The following STPG2 variants were observed in gnomAD, a reference collection of about 807,000 sequenced individuals.
STPG2 encodes the protein sperm tail PG-rich repeat containing 2, also known as sperm-tail PG-rich repeat-containing protein 2.
STPG2 carries 56 observed loss-of-function variants against 54.2 expected under a neutral mutation model. The observed-to-expected ratio is 1.03, with a 90% CI of 0.83 to 1.29. The LOEUF (loss-of-function observed/expected upper bound fraction) is 1.29. Ranked by LOEUF, STPG2 falls within the 50% of genes most tolerant of loss-of-function variation. The pLI, the probability that STPG2 is intolerant of heterozygous loss-of-function variation, is 0.00. For synonymous variants in STPG2, 200 were observed against 181.8 expected (o/e 1.10, Z -0.81); for missense variants, 596 against 544.9 (o/e 1.09, Z -0.93).
At chr4:98,005,526 G>A (rs920909776) in intron 5 of STPG2, among the ~76,000 whole-genome samples, 2 of 152,140 alleles carry the variant, frequency 1.3e-5, no homozygotes, top group African/African-American at 4.8e-5. Context: ...CTGTGAGTTT[G>A]TCATATATAG....
chr4:97,977,113 G>T (rs1446108909), intron 6 of STPG2, among the ~76,000 whole-genome samples: 1 of 152,084 alleles, frequency 6.6e-6, no homozygotes, highest in African/African-American at 2.4e-5. Flanking sequence ...TACTGTAAAA[G>T]ACTAAAAAGT....
At chr4:97,756,184 ATCT>A (rs1258451856) in intron 9 of STPG2, among the ~76,000 whole-genome samples, 4 of 152,190 alleles carry the variant, frequency 2.6e-5, no homozygotes, top group African/African-American at 9.7e-5. Context: ...ACTCAATGAC[ATCT>A]TCTACCTTGG....
chr4:97,660,248 G>T (rs927119684), intron 10 of STPG2, among the ~76,000 whole-genome samples: 1 of 152,158 alleles, frequency 6.6e-6, no homozygotes, highest in Non-Finnish European at 1.5e-5. Context: ...CAATCCGCCC[G>T]CCTCGGCTTC....
At chr4:97,465,249 T>A (rs534841635) in intron 4 of STPG2, among the ~76,000 whole-genome samples, 1 of 152,316 alleles carries the variant, frequency 6.6e-6, no homozygotes, top group East Asian at 1.9e-4. Flanking sequence ...ATTTGCTGTA[T>A]CACTCTGTAT....
intron 9 of STPG2, among the ~76,000 whole-genome samples, chr4:97,736,620 C>G: frequency 6.6e-6 from 1 of 152,160 alleles, no homozygotes. Context: ...GCACAGCAGC[C>G]TGAGATCAAA....
intron 4 of STPG2, among the ~76,000 whole-genome samples, chr4:97,538,711 AAG>A (rs1209638830): frequency 1.3e-5 from 2 of 152,142 alleles, no homozygotes; most frequent in Non-Finnish European, 2.9e-5. Context: ...GATACTCCTC[AAG>A]AAGAGCAACT....
chr4:97,966,819 C>T (rs1484556316), intron 7 of STPG2, among the ~76,000 whole-genome samples: 3 of 151,972 alleles, frequency 2.0e-5, no homozygotes, highest in Admixed American at 2.0e-4. Context: ...AACGCAAAGG[C>T]TGAGAGATTA....
intron 8 of STPG2, among the ~76,000 whole-genome samples, chr4:97,888,252 C>T (rs930907787): frequency 2.0e-5 from 3 of 152,168 alleles, no homozygotes; most frequent in African/African-American, 7.2e-5. Context: ...CCTCCAGACC[C>T]CAGAATGGTA....
intron 10 of STPG2, among the ~76,000 whole-genome samples, chr4:97,608,661 C>T (rs774897836): frequency 1.3e-5 from 2 of 151,916 alleles, no homozygotes; most frequent in African/African-American, 4.8e-5. Context: ...GTCTGTTTTT[C>T]AGAAAATTAA....
intron 4 of STPG2, among the ~76,000 whole-genome samples, chr4:97,538,764 A>C (rs187879510): frequency 2.6e-3 from 391 of 152,292 alleles, no homozygotes; most frequent in African/African-American, 8.9e-3. Flanking sequence ...GTTCAAATGA[A>C]GGAAAAAATG....
At chr4:98,111,747 T>A (rs1578175352) in intron 3 of STPG2, among the ~76,000 whole-genome samples, 1 of 152,252 alleles carries the variant, frequency 6.6e-6, no homozygotes, top group African/African-American at 2.4e-5. Context: ...TAGATAGGCA[T>A]TTGAATCAGT....
intron 4 of STPG2, among the ~76,000 whole-genome samples, chr4:97,526,350 G>A (rs909353476): frequency 3.9e-5 from 6 of 151,942 alleles, no homozygotes; most frequent in African/African-American, 1.5e-4. Flanking sequence ...ATCAACAGAG[G>A]TAACATTAAC....
intron 10 of STPG2, among the ~76,000 whole-genome samples, chr4:97,566,899 G>T (rs1334329836): frequency 1.4e-5 from 2 of 146,342 alleles, no homozygotes; most frequent in Admixed American, 6.9e-5. Context: ...GTGGGAGGGG[G>T]GAGGGATAGC....
At chr4:97,695,337 C>A (rs1043703917) in intron 10 of STPG2, among the ~76,000 whole-genome samples, 2 of 152,124 alleles carry the variant, frequency 1.3e-5, no homozygotes, top group South Asian at 2.1e-4. Context: ...ATAGAAGGAA[C>A]ATACCTTAAG....
At position 98,123,933 on chromosome 4, in the gene STPG2, T is replaced by C. The variant is rs187195802; in HGVS notation, c.387+4495A>G. On this transcript the variant is annotated intron_variant, in intron 3 of 10. Transcript: ENST00000295268. ...TGTTGACTTGAATCCTTTGCCATTA[T>C]ATAATGCCCTTATCTTTTTTGATCT... Among the ~76,000 whole-genome samples, 14 of 152,334 alleles carry C rather than the reference T, an allele frequency of 9.2e-5. No individual in the cohort carries two copies. In the East Asian group the frequency reaches 2.1e-3, roughly 23 times the overall value.
At chr4:97,925,449 C>T (rs1198315485) in intron 8 of STPG2, among the ~76,000 whole-genome samples, 1 of 152,112 alleles carries the variant, frequency 6.6e-6, no homozygotes, top group Non-Finnish European at 1.5e-5. Flanking sequence ...TCACTATGAC[C>T]AATTCACTCT....
chr4:97,984,103 T>C (rs1170160600), intron 5 of STPG2, among the ~76,000 whole-genome samples: 2 of 152,162 alleles, frequency 1.3e-5, no homozygotes, highest in African/African-American at 2.4e-5. Flanking sequence ...GCTTTACCCA[T>C]ACCATCCCAA....
At chr4:97,735,388 T>TGAG (rs1724948639) in intron 9 of STPG2, among the ~76,000 whole-genome samples, 1 of 151,312 alleles carries the variant, frequency 6.6e-6, no homozygotes, top group Non-Finnish European at 1.5e-5. Flanking sequence ...CAATGTACTT[T>TGAG]AGAGACTCAG....
chr4:97,509,659 C>G (rs1488658283), intron 4 of STPG2, among the ~76,000 whole-genome samples: 1 of 152,058 alleles, frequency 6.6e-6, no homozygotes, highest in East Asian at 1.9e-4. Context: ...CAAATATGCA[C>G]TTTTAATATT....
Sources: allele counts gnomAD v4.1 joint callset (sites outside exome capture counted in the v4.1 genomes callset), GRCh38; gene constraint gnomAD v4.1.1; transcripts MANE v1.5; gene names NCBI Gene and HGNC (gene_info 2026-07-23, HGNC 2026-07-21).